Variants in ATE1 observed in about 807,000 individuals in gnomAD.
ATE1 encodes the protein arginyl-tRNA--protein transferase 1.
In ATE1, 36 loss-of-function variants were observed where a neutral mutation model predicts 70.5. The observed-to-expected ratio is 0.51, with a 90% confidence interval of 0.39 to 0.67. The LOEUF is 0.67. Ranked by LOEUF, ATE1 falls within the 30% of genes least tolerant of loss-of-function variation. The probability of loss-of-function intolerance (pLI) is 0.00; values close to 1 mark genes in which losing one functional copy is unlikely to be tolerated. For synonymous variants in ATE1, 232 were observed against 219.3 expected, an observed-to-expected ratio of 1.06 and a Z score of -0.51; for missense variants, 593 against 629.5, an observed-to-expected ratio of 0.94 and a Z score of 0.62.
intron 10 of ATE1, among the ~76,000 whole-genome samples, chr10:121,823,485 G>C (rs904822094): frequency 1.3e-5 from 2 of 152,116 alleles, no homozygotes; most frequent in Non-Finnish European, 2.9e-5. Flanking sequence ...TACACGCAGG[G>C]GCAAGTGAAA....
At chr10:121,835,331 C>T (rs1217619830) in intron 10 of ATE1, among the ~76,000 whole-genome samples, 1 of 152,054 alleles carries the variant, frequency 6.6e-6, no homozygotes, top group East Asian at 1.9e-4. Context: ...CTCTCAAAGC[C>T]AGTGTTACTT....
At chr10:121,866,161 G>A (rs771928971) in intron 8 of ATE1, among the ~76,000 whole-genome samples, 2 of 152,200 alleles carry the variant, frequency 1.3e-5, no homozygotes, top group Non-Finnish European at 2.9e-5. Flanking sequence ...GCTGTCAGGA[G>A]CTATGTGGTG....
At chr10:121,781,429 T>C (rs1195839055) in intron 11 of ATE1, among the ~76,000 whole-genome samples, 1 of 152,174 alleles carries the variant, frequency 6.6e-6, no homozygotes, top group Non-Finnish European at 1.5e-5. Context: ...CAGTGGAAAA[T>C]GGAAGCCAGC....
At position 121,838,672 on chromosome 10, in the gene ATE1, A is replaced by ATTAT. The variant is rs1948519416; in HGVS notation, c.1158-1859_1158-1856dup. On this transcript the variant is annotated intron_variant, in intron 9 of 11. Transcript: ENST00000224652. ...TATCTGAAATTAAGTTGTCTGTTTTATTATTTATGGTCTGCTTGGACAAAC... is the reference window on the plus strand; with the variant it reads ...TATCTGAAATTAAGTTGTCTGTTTTATTATTTATTTATGGTCTGCTTGGACAAAC... 2.0e-5 allele frequency among the ~76,000 whole-genome samples: 3 copies of ATTAT among 152,156 alleles called. No homozygotes were observed. The South Asian group carries it at 6.2e-4, about 31-fold the overall frequency.
chr10:121,908,803 A>T (rs575807279), intron 5 of ATE1, among the ~76,000 whole-genome samples: 1 of 152,356 alleles, frequency 6.6e-6, no homozygotes, highest in South Asian at 2.1e-4. Flanking sequence ...CGGCAAAAAA[A>T]TAGACAAAAG....
intron 11 of ATE1, among the ~76,000 whole-genome samples, chr10:121,787,240 G>C (rs1946252610): frequency 6.6e-6 from 1 of 152,110 alleles, no homozygotes; most frequent in Admixed American, 6.6e-5. Context: ...AGAGAAACAA[G>C]ATTTAGTGAA....
intron 1 of ATE1, among the ~76,000 whole-genome samples, chr10:121,926,445 A>G (rs1380228188): frequency 6.6e-6 from 1 of 152,182 alleles, no homozygotes; most frequent in African/African-American, 2.4e-5. Flanking sequence ...TAGATGCCCC[A>G]TAATAAAGAG....
chr10:121,817,787 T>C (rs1429260145), intron 10 of ATE1, among the ~76,000 whole-genome samples: 1 of 152,014 alleles, frequency 6.6e-6, no homozygotes, highest in Non-Finnish European at 1.5e-5. Flanking sequence ...GAACATGTTA[T>C]ACAAAAGCAG....
At chr10:121,909,559 G>A (rs1951338948) in intron 5 of ATE1, among the ~76,000 whole-genome samples, 1 of 152,126 alleles carries the variant, frequency 6.6e-6, no homozygotes, top group African/African-American at 2.4e-5. Context: ...GCTATGACAT[G>A]AGTCAGTAAT....
At chr10:121,778,565 T>A (rs963609164) in intron 11 of ATE1, among the ~76,000 whole-genome samples, 1 of 820 alleles carries the variant, frequency 1.2e-3, no homozygotes. Context: ...TGTGGCCAGC[T>A]TTTTTTTTTT....
intron 9 of ATE1, among the ~76,000 whole-genome samples, chr10:121,838,498 C>T (rs1291046560): frequency 6.6e-6 from 1 of 152,170 alleles, no homozygotes; most frequent in Non-Finnish European, 1.5e-5. Context: ...TGAACTTCTT[C>T]CTACCCTCAG....
chr10:121,741,271 G>A lies in ATE1; in HGVS notation c.*2409C>T, dbSNP rs1434104323. ...TATTCACTCAGCTGGGGCTCAAAAGGACAAATAGGTGTCCTTTTAAGACAC... is the reference window on the plus strand; with the variant it reads ...TATTCACTCAGCTGGGGCTCAAAAGAACAAATAGGTGTCCTTTTAAGACAC... On this transcript the variant is annotated 3_prime_UTR_variant, in exon 12 of 12. Coordinates refer to ENST00000224652, the MANE Select transcript of ATE1 (RefSeq NM_001001976.3). The A allele has an allele frequency of 1.3e-5, 2 of 152,116 alleles. No individual in the cohort carries two copies. The highest frequency in any genetic ancestry group is 2.9e-5 in the Non-Finnish European group (2 of 68,034). The allele number at this position is 152,116 out of a possible 1,614,324, so 9.4% of individuals were successfully genotyped here.
chr10:121,847,130 T>C (rs192961806), intron 8 of ATE1, among the ~76,000 whole-genome samples: 1 of 152,276 alleles, frequency 6.6e-6, no homozygotes, highest in Admixed American at 6.5e-5. Context: ...TCAAGGCTGA[T>C]AGGAATGAGA....
intron 10 of ATE1, among the ~76,000 whole-genome samples, chr10:121,834,832 G>A (rs1418791166): frequency 6.6e-6 from 1 of 152,196 alleles, no homozygotes; most frequent in Non-Finnish European, 1.5e-5. Flanking sequence ...CATCACAGAT[G>A]AGACATAAAA....
In ATE1 at chr10:121,836,774, G is replaced by A. The variant is rs866364193; in HGVS notation, c.1201C>T (p.Leu401Phe). The A allele has an allele frequency of 1.2e-6, 2 of 1,603,928 alleles. No individual in the cohort carries two copies. Among genetic ancestry groups the A allele is most frequent in the Non-Finnish European group, 8.5e-7 (1 of 1,176,416 alleles). ...TAGAAACCCATATAATAATAGCTGA[G>A]TTGAGAAGTTTTCTCATGAAGCTGC... ...TRQLHEKTSQ[L>F]SYYYMGFYIH... The change falls in exon 10 of 12, where the codon CTC becomes TTC. Residue 401 changes from leucine (L) to phenylalanine (F), a missense_variant. By Grantham distance (22) the Leu-to-Phe change is conservative. Around this residue, in one of 3 missense-constraint regions of ATE1, gnomAD observed 36 missense variants for 66.3 expected, o/e 0.54. Coordinates refer to ENST00000224652, the MANE Select transcript of ATE1 (RefSeq NM_001001976.3).
intron 3 of ATE1, among the ~76,000 whole-genome samples, chr10:121,920,606 G>A (rs1402429343): frequency 2.0e-5 from 3 of 152,114 alleles, no homozygotes; most frequent in African/African-American, 7.2e-5. Context: ...TTAGGGTGAG[G>A]TGAGAAGGTA....
intron 11 of ATE1, among the ~76,000 whole-genome samples, chr10:121,776,700 T>TAA (rs1945757751): frequency 6.6e-6 from 1 of 152,238 alleles, no homozygotes; most frequent in African/African-American, 2.4e-5. Flanking sequence ...TGAGTACTAT[T>TAA]TAGCACATTT....
At chr10:121,845,674 C>A (rs1175735596) in intron 8 of ATE1, among the ~76,000 whole-genome samples, 1 of 152,118 alleles carries the variant, frequency 6.6e-6, no homozygotes, top group African/African-American at 2.4e-5. Context: ...CACACGAATA[C>A]TGGAGGTGAC....
rs7098350 is a variant in ATE1, at chr10:121,909,240, C to G, written c.583+1666G>C. On this transcript the variant is annotated intron_variant, in intron 5 of 11. Transcript: ENST00000224652. The stretch of plus-strand genomic sequence containing the variant: ...CTGGGCTCAAGCAATCCACCTGCCT[C>G]GGTCTCCCACAGTGCTGGGATTACA... Among the ~76,000 whole-genome samples, 1,128 of 152,270 alleles carry G rather than the reference C, an allele frequency of 7.4e-3. 19 individuals carry two copies. The highest frequency in any genetic ancestry group is 0.026 in the African/African-American group (1,081 of 41,554).
Sources: gnomAD v4.1 joint callset for allele counts (sites outside exome capture counted in the v4.1 genomes callset) on GRCh38, gnomAD v4.1.1 for gene constraint, gnomAD v4.1.1 regional missense constraint, MANE v1.5 for transcripts, NCBI Gene and HGNC (gene_info 2026-07-23, HGNC 2026-07-21) for gene names.